Variants in CDK7 observed in about 807,000 individuals in gnomAD.
CDK7 encodes the protein cyclin dependent kinase 7.
CDK7 carries 25 observed loss-of-function variants against 49.1 expected under a neutral mutation model. That is an observed-to-expected ratio of 0.51 (90% CI 0.37 to 0.71). The LOEUF (loss-of-function observed/expected upper bound fraction) is 0.71, where lower values mean the gene tolerates loss of function less well. Ranked by LOEUF, CDK7 falls within the 30% of genes least tolerant of loss-of-function variation. The pLI is 0.00. For synonymous variants in CDK7, 107 were observed against 140.0 expected (o/e 0.76, Z 1.67); for missense variants, 316 against 411.7 (o/e 0.77, Z 2.01).
intron 2 of CDK7, 142 bp from the exon 3 acceptor site, chr5:69,252,276 C>A: frequency 3.2e-6 from 2 of 617,426 alleles, no homozygotes; most frequent in Non-Finnish European, 5.8e-6. Flanking sequence ...TTCCTACTCT[C>A]TTTTTGCCTA....
chr5:69,251,656 G>A (rs979238189), intron 2 of CDK7, among the ~76,000 whole-genome samples: 16 of 152,024 alleles, frequency 1.1e-4, no homozygotes, highest in African/African-American at 3.9e-4. Context: ...TCAGCCTCCT[G>A]AGTACTTGGG....
At chr5:69,265,862 A>G (rs965567147) in intron 8 of CDK7, among the ~76,000 whole-genome samples, 3 of 152,054 alleles carry the variant, frequency 2.0e-5, no homozygotes, top group Middle Eastern at 3.2e-3. Context: ...AGGAGGTGAT[A>G]TCGTGCCACA....
chr5:69,276,432 A>C (rs982388949), intron 10 of CDK7, 111 bp from the exon 11 acceptor site: 1 of 866,538 alleles, frequency 1.2e-6, no homozygotes. Context: ...GTTGGGAATG[A>C]GGGCATTCAC....
chr5:69,275,118 ATTATT>A (rs1399001106), intron 10 of CDK7, among the ~76,000 whole-genome samples: 1 of 152,170 alleles, frequency 6.6e-6, no homozygotes, highest in African/African-American at 2.4e-5. Context: ...TTAGGATATA[ATTATT>A]TTTATCAGAA....
At position 69,269,244 on chromosome 5, in the gene CDK7, T is replaced by C; in HGVS notation, c.665T>C (p.Leu222Pro). ...FLPGDSDLDQ[L>P]TRIFETLGTP... ...CCAGGAGATTCAGACCTTGATCAGCTAACAAGAATATTTGAAACTTTGGGC... is the reference window on the plus strand; with the variant it reads ...CCAGGAGATTCAGACCTTGATCAGCCAACAAGAATATTTGAAACTTTGGGC... The change falls in exon 9 of 12, where the codon CTA becomes CCA. Residue 222 changes from leucine (L) to proline (P), a missense_variant. Transcript: ENST00000256443. The C allele has an allele frequency of 6.2e-7, 1 of 1,612,550 alleles. No homozygotes were observed. The highest frequency in any genetic ancestry group is 8.5e-7 in the Non-Finnish European group (1 of 1,179,380).
chr5:69,272,243 A>G (rs1045550126), intron 9 of CDK7, among the ~76,000 whole-genome samples: 2 of 152,154 alleles, frequency 1.3e-5, no homozygotes, highest in East Asian at 3.8e-4. Context: ...CCATTGATTT[A>G]TGTATCTCTC....
chr5:69,247,872 C>T (rs767503013), intron 2 of CDK7, among the ~76,000 whole-genome samples: 7 of 152,172 alleles, frequency 4.6e-5, no homozygotes, highest in South Asian at 4.2e-4. Context: ...TAAAACTCTG[C>T]GTTTTAACTT....
At chr5:69,235,275 T>A in intron 1 of CDK7, 119 bp from the exon 2 acceptor site, 1 of 853,752 alleles carries the variant, frequency 1.2e-6, no homozygotes, top group African/African-American at 1.7e-5. Context: ...CCGCCACGTT[T>A]CCAGCCGCCG....
Position 69,235,224 on chromosome 5 carries a change from C to G in CDK7, c.67-170C>G, listed in dbSNP as rs1748877775. 2.3e-5 allele frequency: 17 copies of G among 755,500 alleles called. No homozygotes were observed. In the South Asian group the frequency reaches 2.7e-4, roughly 12 times the overall value. 46.8% of individuals were successfully genotyped at this position (755,500 alleles called of 1,614,324 possible). A position where few individuals can be genotyped will look rare whatever the true frequency, so the allele number is the denominator to read the frequency against. Reference sequence around the variant, plus strand: ...CTGGGGGTGAATCCCTGAGGGGCCTCTCCTTGCTGAAGAGTAGCCTGGAGC... The same window carrying G: ...CTGGGGGTGAATCCCTGAGGGGCCTGTCCTTGCTGAAGAGTAGCCTGGAGC... On this transcript the variant is annotated intron_variant, in intron 1 of 11. Coordinates refer to ENST00000256443, the MANE Select transcript of CDK7 (RefSeq NM_001799.4).
At position 69,277,243 on chromosome 5, in the gene CDK7, T is replaced by C. The variant is rs576010284; in HGVS notation, c.*108T>C. 1.5e-6 allele frequency: 1 copy of C among 669,514 alleles called. No homozygotes were observed. Among genetic ancestry groups the C allele is most frequent in the Admixed American group, 2.9e-5 (1 of 34,696 alleles). 41.5% of individuals were successfully genotyped at this position (669,514 alleles called of 1,614,324 possible). On this transcript the variant is annotated 3_prime_UTR_variant, in exon 12 of 12. Coordinates refer to ENST00000256443, the MANE Select transcript of CDK7 (RefSeq NM_001799.4). ...GCTGTAGAAGTGAGTTTGTAAATAT[T>C]CTACACATGTAAAATATGTAAAACT...
At chr5:69,269,991 G>A (rs981873250) in intron 9 of CDK7, among the ~76,000 whole-genome samples, 2 of 150,236 alleles carry the variant, frequency 1.3e-5, no homozygotes, top group Non-Finnish European at 3.0e-5. Context: ...CAGCACTTTG[G>A]GAGGCTGAGG....
chr5:69,273,655 G>GCAGA (rs1413750476), intron 10 of CDK7, among the ~76,000 whole-genome samples: 5 of 152,278 alleles, frequency 3.3e-5, no homozygotes, highest in Admixed American at 3.3e-4. Context: ...ATAACTTAGG[G>GCAGA]CAGAGCACTG....
At chr5:69,269,403 A>AATATGTACTCAG in intron 9 of CDK7, 110 bp downstream of exon 9, 1 of 684,390 alleles carries the variant, frequency 1.5e-6, no homozygotes, top group Non-Finnish European at 2.5e-6. Flanking sequence ...CATTCATTAT[A>AATATGTACTCAG]ATATGTACTC....
chr5:69,262,718 A>C (rs548109846), intron 8 of CDK7, among the ~76,000 whole-genome samples: 2 of 152,062 alleles, frequency 1.3e-5, no homozygotes, highest in Non-Finnish European at 2.9e-5. Flanking sequence ...TGTCCTGCCA[A>C]TGTCTTTACA....
At chr5:69,259,308 T>C (rs1750677026) in intron 6 of CDK7, among the ~76,000 whole-genome samples, 1 of 152,166 alleles carries the variant, frequency 6.6e-6, no homozygotes, top group African/African-American at 2.4e-5. Context: ...GCTAGGTAGA[T>C]GCTAGCTACC....
At position 69,277,303 on chromosome 5, in the gene CDK7, AAATTT is replaced by A. The variant is rs1466359653; in HGVS notation, c.*173_*177del. ...TTTTATTAAATGTATTTTAAAATAA[AAATTT>A]AATTCTGGTTTTTCTGATTAGAGTG... On this transcript the variant is annotated 3_prime_UTR_variant, in exon 12 of 12. Transcript: ENST00000256443. 2 of 450,926 alleles carry A rather than the reference AAATTT, an allele frequency of 4.4e-6. No homozygotes were observed. The highest frequency in any genetic ancestry group is 3.5e-5 in the East Asian group (1 of 28,310). 27.9% of individuals were successfully genotyped at this position (450,926 alleles called of 1,614,324 possible).
chr5:69,274,898 G>A (rs1751954189), intron 10 of CDK7, among the ~76,000 whole-genome samples: 2 of 152,080 alleles, frequency 1.3e-5, no homozygotes, highest in Admixed American at 1.3e-4. Context: ...TTACAGGCAT[G>A]AGCCACCCCG....
At chr5:69,269,129 ACT>A in intron 8 of CDK7, 76 bp from the exon 9 acceptor site, 6 of 850,990 alleles carry the variant, frequency 7.1e-6, no homozygotes, top group Non-Finnish European at 9.5e-6. Flanking sequence ...ACAGAGCGAG[ACT>A]CTGTCTCTCT....
chr5:69,257,132 TGAAAG>T (rs1292072214), intron 5 of CDK7, among the ~76,000 whole-genome samples: 2 of 151,840 alleles, frequency 1.3e-5, no homozygotes, highest in Non-Finnish European at 1.5e-5. Flanking sequence ...AAAGGCAAAA[TGAAAG>T]GAACCAGAAA....
Sources: allele counts gnomAD v4.1 joint callset (sites outside exome capture counted in the v4.1 genomes callset), GRCh38; gene constraint gnomAD v4.1.1; transcripts MANE v1.5; gene names NCBI Gene and HGNC (gene_info 2026-07-23, HGNC 2026-07-21).